WDFY3: variants seen among roughly 807,000 people sequenced by gnomAD.
The protein encoded by WDFY3 is WD repeat and FYVE domain-containing protein 3.
In WDFY3, 66 loss-of-function variants were observed where a neutral mutation model predicts 409.6. The observed-to-expected ratio is 0.16, with a 90% CI of 0.13 to 0.20. The LOEUF (loss-of-function observed/expected upper bound fraction) is 0.20. Among genes scored for constraint, WDFY3 ranks in the 10% least tolerant of loss-of-function variants. WDFY3 has a pLI of 1.00. For missense variants in WDFY3, 3,031 were observed against 4,298.1 expected, an observed-to-expected ratio of 0.71 and a Z score of 8.24; for synonymous variants, 1,521 against 1,537.1, an observed-to-expected ratio of 0.99 and a Z score of 0.25.
rs1726439290 is a variant in WDFY3, at chr4:84,677,192, A to C, written c.10457+7T>G. ...TGTAAATTCAAAAAGCAGATATCTT[A>C]TCTTACTTCTGGCAGAAGAGCTGAC... On this transcript the variant is annotated splice_region_variant and intron_variant, in intron 67 of 67. Transcript: ENST00000295888. The C allele has an allele frequency of 6.2e-7, 1 of 1,614,170 alleles. No individual in the cohort carries two copies. The highest frequency in any genetic ancestry group is 1.1e-5 in the South Asian group (1 of 91,078).
At chr4:84,731,378 C>A (rs1466004569) in intron 44 of WDFY3, among the ~76,000 whole-genome samples, 3 of 152,168 alleles carry the variant, frequency 2.0e-5, no homozygotes, top group Non-Finnish European at 4.4e-5. Flanking sequence ...AAGATGTGAA[C>A]TACTAAAACC....
intron 15 of WDFY3, among the ~76,000 whole-genome samples, chr4:84,805,530 G>C (rs1035651084): frequency 6.6e-6 from 1 of 152,026 alleles, no homozygotes; most frequent in African/African-American, 2.4e-5. Flanking sequence ...TTAAATTTTG[G>C]AATTATGGTA....
At chr4:84,801,276 G>A (rs1287536954) in intron 17 of WDFY3, among the ~76,000 whole-genome samples, 4 of 151,966 alleles carry the variant, frequency 2.6e-5, no homozygotes, top group Non-Finnish European at 5.9e-5. Flanking sequence ...GAAAACTCTT[G>A]GATCTATATT....
chr4:84,873,141 T>TA (rs1277906625), intron 3 of WDFY3, among the ~76,000 whole-genome samples: 2 of 152,188 alleles, frequency 1.3e-5, no homozygotes, highest in Non-Finnish European at 2.9e-5. Context: ...TCAATACATA[T>TA]ATAGTTTACC....
intron 3 of WDFY3, chr4:84,879,552 A>G (rs1387222473): frequency 6.6e-6 from 1 of 152,138 alleles, no homozygotes; most frequent in African/African-American, 2.4e-5. Flanking sequence ...AAATGCTGGA[A>G]AGTACAACCT....
Position 84,837,094 on chromosome 4 carries a change from G to C in WDFY3, c.415-4C>G. 1 of 1,482,930 alleles carries C rather than the reference G, an allele frequency of 6.7e-7. No homozygotes were observed. The highest frequency in any genetic ancestry group is 1.5e-5 in the South Asian group (1 of 66,746). The allele number at this position is 1,482,930 out of a possible 1,614,324, so 91.9% of individuals were successfully genotyped here. ...TTGTCATGCAGTCCACGGTTTTCTGGAAAACAAGCCAATAAATAAGTGAAT... is the reference window on the plus strand; with the variant it reads ...TTGTCATGCAGTCCACGGTTTTCTGCAAAACAAGCCAATAAATAAGTGAAT... On this transcript the variant is annotated splice_region_variant and splice_polypyrimidine_tract_variant and intron_variant, in intron 6 of 67. Coordinates refer to ENST00000295888, the MANE Select transcript of WDFY3 (RefSeq NM_014991.6).
At chr4:84,859,823 C>T (rs1760326889) in intron 4 of WDFY3, among the ~76,000 whole-genome samples, 1 of 152,150 alleles carries the variant, frequency 6.6e-6, no homozygotes, top group South Asian at 2.1e-4. Flanking sequence ...GATCCACCTG[C>T]CTTGGCTTCC....
intron 37 of WDFY3, among the ~76,000 whole-genome samples, chr4:84,743,095 CAG>C (rs1738742287): frequency 1.3e-5 from 2 of 152,114 alleles, no homozygotes; most frequent in African/African-American, 4.8e-5. Flanking sequence ...TTTAATAGCA[CAG>C]AGGTTATATG....
intron 3 of WDFY3, among the ~76,000 whole-genome samples, chr4:84,875,263 A>AACACACACACACAC (rs58589086): frequency 8.7e-5 from 12 of 137,482 alleles, no homozygotes; most frequent in African/African-American, 3.0e-4. Flanking sequence ...GCAAGACTCA[A>AACACACACACACAC]ACACACACAC....
Position 84,820,077 on chromosome 4 carries a change from T to A in WDFY3, c.1693+8A>T. The A allele has an allele frequency of 6.3e-7, 1 of 1,591,888 alleles. No individual in the cohort carries two copies. The highest frequency in any genetic ancestry group is 8.5e-7 in the Non-Finnish European group (1 of 1,169,676). On this transcript the variant is annotated splice_region_variant and intron_variant, in intron 12 of 67. Coordinates refer to ENST00000295888, the MANE Select transcript of WDFY3 (RefSeq NM_014991.6). ...CCCAAAGTATTTGCTTGCAGCTTTT[T>A]AAATTACCTGCATTTGTGTTTGATC...
Position 84,797,344 on chromosome 4 carries a change from A to G in WDFY3, c.2936-592T>C, listed in dbSNP as rs1277847020. On this transcript the variant is annotated intron_variant, in intron 18 of 67. Coordinates refer to ENST00000295888, the MANE Select transcript of WDFY3 (RefSeq NM_014991.6). ...AACAATTTCAAGAATAAAAAGACAA[A>G]TTCTAAACAGATTGTCATTATCTCT... is the stretch of plus-strand genomic sequence containing the variant. 9.9e-5 allele frequency among the ~76,000 whole-genome samples: 15 copies of G among 152,204 alleles called. No individual in the cohort carries two copies. The East Asian group carries it at 2.1e-3, about 22-fold the overall frequency.
chr4:84,718,360 C>T lies in WDFY3; in HGVS notation c.7754+62G>A, dbSNP rs76316913. 7.2e-3 allele frequency: 10,797 copies of T among 1,507,600 alleles called. 582 individuals carry two copies. In the African/African-American group the frequency reaches 0.13, roughly 18 times the overall value. 93.4% of individuals were successfully genotyped at this position (1,507,600 alleles called of 1,614,324 possible). ...ATTTTTTGATTAAAAAAGAAAACTGCAAATACATTTTCTGTCTTCTAAAGA... is the reference window on the plus strand; with the variant it reads ...ATTTTTTGATTAAAAAAGAAAACTGTAAATACATTTTCTGTCTTCTAAAGA... On this transcript the variant is annotated intron_variant, in intron 48 of 67. Transcript: ENST00000295888.
intron 11 of WDFY3, among the ~76,000 whole-genome samples, chr4:84,820,814 T>A (rs966200120): frequency 1.3e-5 from 2 of 152,140 alleles, no homozygotes; most frequent in African/African-American, 4.8e-5. Flanking sequence ...TAGATACTAG[T>A]CATGTGGATC....
chr4:84,918,130 T>C (rs1459194508), intron 2 of WDFY3, among the ~76,000 whole-genome samples: 1 of 152,106 alleles, frequency 6.6e-6, no homozygotes, highest in African/African-American at 2.4e-5. Context: ...ACAAACCCTA[T>C]GGAAGGGAAT....
At chr4:84,823,308 T>G (rs1754362835) in intron 10 of WDFY3, among the ~76,000 whole-genome samples, 1 of 152,072 alleles carries the variant, frequency 6.6e-6, no homozygotes, top group Non-Finnish European at 1.5e-5. Context: ...ACCATAGACC[T>G]TAATTTAAAA....
intron 32 of WDFY3, among the ~76,000 whole-genome samples, chr4:84,757,915 G>A (rs544580782): frequency 3.9e-5 from 6 of 152,278 alleles, no homozygotes; most frequent in Admixed American, 3.3e-4. Context: ...CTGGGCAGTG[G>A]GATGGTAAAT....
rs767855058 is a variant in WDFY3 at position 84,692,961 on chromosome 4, G to A, written c.8973C>T (p.Val2991=). The part of the protein sequence containing the change: ...RLNGDNAGIS[V]LPGSTSDKIF... ...TCTTGTCACTTGTAGATCCTGGTAGGACAGAGATTCCTGCATTGTCTCCAT... is the reference window on the plus strand; with the variant it reads ...TCTTGTCACTTGTAGATCCTGGTAGAACAGAGATTCCTGCATTGTCTCCAT... The change falls in exon 59 of 68, where the codon GTC becomes GTT. Residue 2991 remains valine (V), a synonymous_variant. Coordinates refer to ENST00000295888, the MANE Select transcript of WDFY3 (RefSeq NM_014991.6). 6 of 1,613,606 alleles carry A rather than the reference G, an allele frequency of 3.7e-6. No individual in the cohort carries two copies. In the South Asian group the frequency reaches 6.6e-5, roughly 18 times the overall value.
At chr4:84,898,511 T>C (rs1231919850) in intron 2 of WDFY3, among the ~76,000 whole-genome samples, 1 of 152,192 alleles carries the variant, frequency 6.6e-6, no homozygotes, top group Non-Finnish European at 1.5e-5. Flanking sequence ...ATACAGTCTT[T>C]CAACCATTGC....
At chr4:84,858,931 A>G (rs1760149316) in intron 4 of WDFY3, among the ~76,000 whole-genome samples, 1 of 152,054 alleles carries the variant, frequency 6.6e-6, no homozygotes, top group Non-Finnish European at 1.5e-5. Context: ...GGAGGACAGA[A>G]AGACAGTGAT....
Sources: gnomAD v4.1 joint callset for allele counts (sites outside exome capture counted in the v4.1 genomes callset) on GRCh38, gnomAD v4.1.1 for gene constraint, MANE v1.5 for transcripts, NCBI Gene and HGNC (gene_info 2026-07-23, HGNC 2026-07-21) for gene names.